Variants in WNT7A observed in about 807,000 individuals in gnomAD.
The protein encoded by WNT7A is protein Wnt-7a.
Under a neutral mutation model 28.2 loss-of-function variants are expected in WNT7A, and 16 were observed. The ratio of observed to expected loss-of-function variants is 0.57; its 90% CI spans 0.38 to 0.86. The LOEUF is 0.86. Among genes scored for constraint, WNT7A ranks in the 40% least tolerant of loss-of-function variants. The pLI, the probability that WNT7A is intolerant of heterozygous loss-of-function variation, is 0.00. For missense variants in WNT7A, 411 were observed against 489.7 expected, an observed-to-expected ratio of 0.84 and a Z score of 1.52; for synonymous variants, 190 against 195.9, an observed-to-expected ratio of 0.97 and a Z score of 0.25.
At chr3:13,879,386 G>A (rs1444478440) in intron 1 of WNT7A, among the ~76,000 whole-genome samples, 1 of 152,174 alleles carries the variant, frequency 6.6e-6, no homozygotes, top group Non-Finnish European at 1.5e-5. Context: ...CTGGCTTGAT[G>A]TTCCTGCTAG....
chr3:13,829,618 A>T (rs903046982), intron 3 of WNT7A, among the ~76,000 whole-genome samples: 10 of 152,290 alleles, frequency 6.6e-5, no homozygotes, highest in African/African-American at 1.4e-4. Context: ...ATGTGCCTGC[A>T]GGCGAGTCCC....
At position 13,874,940 on chromosome 3, in the gene WNT7A, C is replaced by T. The variant is rs992455256; in HGVS notation, c.298+7G>A. On this transcript the variant is annotated splice_region_variant and intron_variant, in intron 2 of 3. Transcript: ENST00000285018. ...GACTCTGCGGGGGTGTTTGGGTGAG[C>T]ACATACCCACTTTGAGCTCCTTCCC... 1.9e-5 allele frequency: 31 copies of T among 1,613,752 alleles called. No individual in the cohort carries two copies. The highest frequency in any genetic ancestry group is 2.5e-5 in the Non-Finnish European group (30 of 1,179,968).
intron 3 of WNT7A, among the ~76,000 whole-genome samples, chr3:13,845,679 C>A (rs541072958): frequency 6.6e-6 from 1 of 152,298 alleles, no homozygotes; most frequent in South Asian, 2.1e-4. Context: ...CTCTTGCCTG[C>A]CCCCTGTACA....
intron 3 of WNT7A, among the ~76,000 whole-genome samples, chr3:13,832,397 C>T (rs918145975): frequency 1.3e-5 from 2 of 151,142 alleles, no homozygotes; most frequent in Non-Finnish European, 3.0e-5. Context: ...CCTCTACAGG[C>T]TCCTCCCACT....
At chr3:13,856,568 A>G (rs1432393718) in intron 2 of WNT7A, among the ~76,000 whole-genome samples, 1 of 152,212 alleles carries the variant, frequency 6.6e-6, no homozygotes, top group Non-Finnish European at 1.5e-5. Context: ...CTGTAATCCC[A>G]GTACTTTGGG....
chr3:13,838,643 G>A (rs1460828906), intron 3 of WNT7A, among the ~76,000 whole-genome samples: 2 of 152,234 alleles, frequency 1.3e-5, no homozygotes, highest in African/African-American at 2.4e-5. Flanking sequence ...AAGGGGACCT[G>A]GTTGGAGCCC....
chr3:13,841,019 T>G (rs938638626), intron 3 of WNT7A, among the ~76,000 whole-genome samples: 6 of 152,262 alleles, frequency 3.9e-5, no homozygotes, highest in South Asian at 4.2e-4. Context: ...CCCCCTCAAA[T>G]TCAAAAATGG....
rs1246190803 is a variant in WNT7A, at chr3:13,868,738, AG to A, written c.298+6208del. Among the ~76,000 whole-genome samples, 121 of 18,036 alleles carry A rather than the reference AG, an allele frequency of 6.7e-3. 3 individuals carry two copies. Among genetic ancestry groups the A allele is most frequent in the Admixed American group, 0.027 (45 of 1,648 alleles). The allele number at this position is 18,036 out of a possible 152,430, so 11.8% of individuals were successfully genotyped here. A position where few individuals can be genotyped will look rare whatever the true frequency, so the allele number is the denominator to read the frequency against. On this transcript the variant is annotated intron_variant, in intron 2 of 3. Coordinates refer to ENST00000285018, the MANE Select transcript of WNT7A (RefSeq NM_004625.4). ...AAAGAAAGAAAGAAAGAAAGAAAGA[AG>A]AGAAAGAAAGAAAGGAGGGAAGGGA...
At chr3:13,831,700 C>G (rs1277914486) in intron 3 of WNT7A, among the ~76,000 whole-genome samples, 2 of 152,190 alleles carry the variant, frequency 1.3e-5, no homozygotes, top group South Asian at 4.1e-4. Flanking sequence ...GGGCAGCCCC[C>G]CAGCCAAAGA....
chr3:13,821,784 G>A (rs1694113623), intron 3 of WNT7A, among the ~76,000 whole-genome samples: 2 of 152,208 alleles, frequency 1.3e-5, no homozygotes, highest in African/African-American at 4.8e-5. Context: ...GGGCGGGGAG[G>A]GGCTGTGGTT....
intron 2 of WNT7A, among the ~76,000 whole-genome samples, chr3:13,858,064 G>A (rs1216204866): frequency 6.6e-6 from 1 of 152,178 alleles, no homozygotes; most frequent in African/African-American, 2.4e-5. Context: ...AAGACACAAA[G>A]GCTTTTGGCT....
At chr3:13,830,097 C>T (rs1694253818) in intron 3 of WNT7A, among the ~76,000 whole-genome samples, 1 of 152,146 alleles carries the variant, frequency 6.6e-6, no homozygotes, top group Non-Finnish European at 1.5e-5. Flanking sequence ...GCAGCGTCTT[C>T]TCCCATCCAC....
intron 3 of WNT7A, among the ~76,000 whole-genome samples, chr3:13,834,387 G>A (rs907686395): frequency 6.6e-6 from 1 of 152,136 alleles, no homozygotes; most frequent in African/African-American, 2.4e-5. Context: ...TGGGGGTCGG[G>A]TGCACACTGG....
chr3:13,874,507 T>C (rs934580872), intron 2 of WNT7A, among the ~76,000 whole-genome samples: 3 of 152,148 alleles, frequency 2.0e-5, no homozygotes, highest in African/African-American at 7.2e-5. Flanking sequence ...GTGAATGGGT[T>C]GCCCATTCAC....
At chr3:13,830,582 T>G (rs1694266113) in intron 3 of WNT7A, among the ~76,000 whole-genome samples, 1 of 151,880 alleles carries the variant, frequency 6.6e-6, no homozygotes, top group South Asian at 2.1e-4. Flanking sequence ...CAGTGGGTGA[T>G]CCCACAGGGA....
chr3:13,868,870 C>A (rs1240283732), intron 2 of WNT7A, among the ~76,000 whole-genome samples: 7 of 57,062 alleles, frequency 1.2e-4, no homozygotes, highest in African/African-American at 2.9e-4. Flanking sequence ...GAGAAAGAGA[C>A]AGAGGGAGAG....
intron 2 of WNT7A, among the ~76,000 whole-genome samples, chr3:13,870,294 AGACCAG>A (rs1197897622): frequency 6.6e-6 from 1 of 152,196 alleles, no homozygotes; most frequent in East Asian, 1.9e-4. Context: ...ATAAAAAAGG[AGACCAG>A]GACACAAGAG....
intron 3 of WNT7A, among the ~76,000 whole-genome samples, chr3:13,821,786 G>A (rs961156186): frequency 2.6e-5 from 4 of 152,200 alleles, no homozygotes; most frequent in African/African-American, 9.6e-5. Flanking sequence ...GCGGGGAGGG[G>A]CTGTGGTTGG....
At chr3:13,874,072 G>A (rs4684167) in intron 2 of WNT7A, among the ~76,000 whole-genome samples, 73,202 of 152,048 alleles carry the variant, frequency 0.48, 18,649 homozygotes, top group East Asian at 0.76. Flanking sequence ...ATGGGGGAGC[G>A]TGGGACAGCC....
Sources: allele counts gnomAD v4.1 joint callset (sites outside exome capture counted in the v4.1 genomes callset), GRCh38; gene constraint gnomAD v4.1.1; transcripts MANE v1.5; gene names NCBI Gene and HGNC (gene_info 2026-07-23, HGNC 2026-07-21).